The following LGSN variants were observed in gnomAD, a reference collection of about 807,000 sequenced individuals.
LGSN encodes lengsin, lens protein with glutamine synthetase domain, also known as lengsin.
LGSN carries 21 observed loss-of-function variants against 19.5 expected under a neutral mutation model. The ratio of observed to expected loss-of-function variants is 1.07; its 90% CI spans 0.76 to 1.55. LGSN has a LOEUF of 1.55. LGSN is among the 40% of genes most tolerant of loss of function. The pLI is 0.00. For missense variants in LGSN, 673 were observed against 608.5 expected, an observed-to-expected ratio of 1.11 and a Z score of -1.12; for synonymous variants, 257 against 215.6, an observed-to-expected ratio of 1.19 and a Z score of -1.68.
the LGSN span, among the ~76,000 whole-genome samples, chr6:63,544,981 A>G: frequency 6.6e-5 from 10 of 152,300 alleles, no homozygotes; most frequent in East Asian, 1.7e-3. Flanking sequence ...CACTAGTTTT[A>G]TCATCCACTG....
the LGSN span, among the ~76,000 whole-genome samples, chr6:63,473,409 G>C: frequency 1.4e-5 from 2 of 147,620 alleles, no homozygotes; most frequent in Non-Finnish European, 3.0e-5. Flanking sequence ...AGGAGGCAGA[G>C]GTTGCAGTGA....
At chr6:63,360,548 G>A in the LGSN span, among the ~76,000 whole-genome samples, 4 of 152,120 alleles carry the variant, frequency 2.6e-5, no homozygotes, top group Non-Finnish European at 5.9e-5. Flanking sequence ...GGTTATTCTA[G>A]TTAGCCATTC....
upstream of LGSN, among the ~76,000 whole-genome samples, chr6:63,320,949 C>G (rs896950415): frequency 6.6e-6 from 1 of 152,144 alleles, no homozygotes; most frequent in Non-Finnish European, 1.5e-5. Context: ...TCCATTGGTA[C>G]TTGTTCCATG....
the LGSN span, among the ~76,000 whole-genome samples, chr6:63,365,672 A>G: frequency 1.1e-3 from 164 of 152,270 alleles, 2 homozygotes; most frequent in East Asian, 5.8e-4. Context: ...GATGAACATC[A>G]ATGCAAAAAT....
the LGSN span, among the ~76,000 whole-genome samples, chr6:63,394,752 G>A: frequency 2.6e-5 from 4 of 152,180 alleles, no homozygotes; most frequent in Admixed American, 6.5e-5. Context: ...ACCCCTTTCC[G>A]GTAACACTGG....
the LGSN span, among the ~76,000 whole-genome samples, chr6:63,377,913 CAA>C: frequency 0.17 from 8,978 of 53,822 alleles, 445 homozygotes; most frequent in African/African-American, 0.41. Flanking sequence ...GACTCCATCT[CAA>C]AAAAAAAAAA....
chr6:63,280,706 G>A lies in LGSN; in HGVS notation c.845C>T (p.Ala282Val), dbSNP rs1767269639. Residue 282 changes from alanine (A) to valine (V), a missense_variant, in exon 4 of 4, where the codon GCA (alanine) becomes GTA (valine). Coordinates refer to ENST00000370657, the MANE Select transcript of LGSN (RefSeq NM_016571.3). ...TTTGACACCTGTTCTGAGGGTAAAT[G>A]CATTATCAGCTGAGCTAATGCCAAA... ...PEFGISSADN[A>V]FTLRTGVKEV... 4 of 1,614,000 alleles carry A rather than the reference G, an allele frequency of 2.5e-6. No homozygotes were observed. The highest frequency in any genetic ancestry group is 3.4e-6 in the Non-Finnish European group (4 of 1,180,028).
the LGSN span, among the ~76,000 whole-genome samples, chr6:63,457,600 G>A: frequency 2.0e-5 from 3 of 152,114 alleles, no homozygotes; most frequent in Admixed American, 6.6e-5. Context: ...AAATCAGGCC[G>A]GGCATGGTGG....
At chr6:63,539,045 A>C in the LGSN span, among the ~76,000 whole-genome samples, 1 of 152,002 alleles carries the variant, frequency 6.6e-6, no homozygotes, top group Non-Finnish European at 1.5e-5. Context: ...GGTGTGCGCC[A>C]CCATACCCGG....
the LGSN span, among the ~76,000 whole-genome samples, chr6:63,568,219 G>A: frequency 1.3e-5 from 2 of 152,038 alleles, no homozygotes; most frequent in Non-Finnish European, 1.5e-5. Flanking sequence ...CCTAGTTTTC[G>A]GCCTATCTCT....
At chr6:63,522,821 C>T in the LGSN span, among the ~76,000 whole-genome samples, 2 of 149,946 alleles carry the variant, frequency 1.3e-5, no homozygotes, top group African/African-American at 4.9e-5. Flanking sequence ...GTGACTCAGA[C>T]TTTGAGGTCG....
At chr6:63,435,923 A>G in the LGSN span, among the ~76,000 whole-genome samples, 22 of 150,462 alleles carry the variant, frequency 1.5e-4, no homozygotes, top group African/African-American at 1.9e-4. Flanking sequence ...AAAAAAAAAA[A>G]AAAAGAAAAA....
chr6:63,497,513 A>T, the LGSN span, among the ~76,000 whole-genome samples: 2 of 152,134 alleles, frequency 1.3e-5, no homozygotes, highest in Admixed American at 1.3e-4. Context: ...AGATCATGCC[A>T]CTGCACTCCA....
the LGSN span, among the ~76,000 whole-genome samples, chr6:63,476,577 T>G: frequency 2.7e-4 from 41 of 152,338 alleles, no homozygotes; most frequent in African/African-American, 9.4e-4. Flanking sequence ...GGAGCTCAAC[T>G]GGAGCTATTA....
At chr6:63,565,391 C>A in the LGSN span, among the ~76,000 whole-genome samples, 2 of 151,828 alleles carry the variant, frequency 1.3e-5, no homozygotes, top group African/African-American at 2.4e-5. Context: ...GAAAAAGGGA[C>A]AGAGAATGGG....
the LGSN span, among the ~76,000 whole-genome samples, chr6:63,504,366 C>T: frequency 2.0e-5 from 3 of 152,020 alleles, no homozygotes; most frequent in Non-Finnish European, 4.4e-5. Context: ...CTCAGCCTCC[C>T]GAGTAACTGA....
chr6:63,307,807 T>A (rs1768456587), intron 1 of LGSN, among the ~76,000 whole-genome samples: 1 of 152,156 alleles, frequency 6.6e-6, no homozygotes, highest in Non-Finnish European at 1.5e-5. Flanking sequence ...AGAGGTGACT[T>A]TCATTGGGTC....
the LGSN span, chr6:63,571,626 A>G: frequency 1.3e-5 from 2 of 152,250 alleles, no homozygotes; most frequent in African/African-American, 4.8e-5. Context: ...CGCTTTCTTT[A>G]AGCACTTCCT....
chr6:63,288,233 A>AT (rs1271321081), intron 2 of LGSN, among the ~76,000 whole-genome samples: 1 of 119,734 alleles, frequency 8.4e-6, no homozygotes, highest in African/African-American at 3.0e-5. Context: ...TCTCAAAAAA[A>AT]TAAATAAATA....
Sources: gnomAD v4.1 joint callset for allele counts (sites outside exome capture counted in the v4.1 genomes callset) on GRCh38, gnomAD v4.1.1 for gene constraint, MANE v1.5 for transcripts, NCBI Gene and HGNC (gene_info 2026-07-23, HGNC 2026-07-21) for gene names.